The following EVA1C variants were observed in gnomAD, a reference collection of about 807,000 sequenced individuals.
EVA1C encodes the protein eva-1 homolog C.
In EVA1C, 25 loss-of-function variants were observed where a neutral mutation model predicts 45.4. That is an observed-to-expected ratio of 0.55 (90% CI 0.40 to 0.77). The LOEUF (loss-of-function observed/expected upper bound fraction) is 0.77. Among genes scored for constraint, EVA1C ranks in the 30% least tolerant of loss-of-function variants. EVA1C has a pLI of 0.00. For synonymous variants in EVA1C, 190 were observed against 221.2 expected (o/e 0.86, Z 1.25); for missense variants, 479 against 554.8 (o/e 0.86, Z 1.37).
rs371414193 is a variant in EVA1C at position 32,507,835 on chromosome 21, G to GT, written c.949+3821dup. On this transcript the variant is annotated intron_variant, in intron 7 of 7. Transcript: ENST00000300255. Reference sequence around the variant, plus strand: ...ATGTATGTATGTGTGTTGCATGTGTGTGCATGTGTCTGTATGCTTGTGCGT... The same window carrying GT: ...ATGTATGTATGTGTGTTGCATGTGTGTTGCATGTGTCTGTATGCTTGTGCGT... Among the ~76,000 whole-genome samples the GT allele has an allele frequency of 9.6e-4, 146 of 151,596 alleles. 2 individuals are homozygous for GT. The highest frequency in any genetic ancestry group is 3.4e-3 in the Middle Eastern group (1 of 292).
chr21:32,443,576 G>A (rs751377954), intron 1 of EVA1C, among the ~76,000 whole-genome samples: 23 of 151,948 alleles, frequency 1.5e-4, no homozygotes, highest in Non-Finnish European at 2.6e-4. Flanking sequence ...CAGTATAATT[G>A]TAATACCTTA....
intron 4 of EVA1C, among the ~76,000 whole-genome samples, chr21:32,494,764 A>C (rs923849257): frequency 1.4e-5 from 2 of 147,924 alleles, no homozygotes; most frequent in African/African-American, 5.1e-5. Context: ...CCTGGGCGAC[A>C]GAACAAGAAT....
intron 6 of EVA1C, 173 bp downstream of exon 6, chr21:32,501,668 G>C (rs1423974963): frequency 5.9e-6 from 4 of 673,510 alleles, no homozygotes; most frequent in Non-Finnish European, 6.8e-6. Context: ...TGCAAATGGT[G>C]AACACCATTT....
intron 7 of EVA1C, among the ~76,000 whole-genome samples, chr21:32,504,558 C>G (rs749739841): frequency 6.6e-6 from 1 of 152,150 alleles, no homozygotes; most frequent in Non-Finnish European, 1.5e-5. Context: ...GGCCACACCG[C>G]GGGGACCTCT....
chr21:32,434,540 G>A (rs1190406275), intron 1 of EVA1C, among the ~76,000 whole-genome samples: 2 of 150,862 alleles, frequency 1.3e-5, no homozygotes, highest in Non-Finnish European at 3.0e-5. Flanking sequence ...GCAGTGAGCC[G>A]AGATAGCGCC....
chr21:32,455,934 C>T (rs1477265119), intron 2 of EVA1C, among the ~76,000 whole-genome samples: 1 of 152,034 alleles, frequency 6.6e-6, no homozygotes, highest in African/African-American at 2.4e-5. Context: ...CTCTTGTTGC[C>T]CAGGCTGGAG....
rs578148806 is a variant in EVA1C, at chr21:32,472,656, A to G, written c.634+4808A>G. Among the ~76,000 whole-genome samples, 8 of 151,864 alleles carry G rather than the reference A, an allele frequency of 5.3e-5. No homozygotes were observed. In the South Asian group the frequency reaches 1.5e-3, roughly 28 times the overall value. On this transcript the variant is annotated intron_variant, in intron 4 of 7. Transcript: ENST00000300255. ...GTCTCTTAAAAGAAAAAAAAAAAGG[A>G]AAAGTAATTAAAGAAAGTGTTAGCA...
At chr21:32,502,024 CTTTCTTTCTTTCTT>C (rs1568949758) in intron 6 of EVA1C, among the ~76,000 whole-genome samples, 1 of 132,374 alleles carries the variant, frequency 7.6e-6, no homozygotes, top group African/African-American at 3.2e-5. Flanking sequence ...TTCTTTCTTT[CTTTCTTTCTTTCTT>C]TCTTTCTTTC....
intron 1 of EVA1C, among the ~76,000 whole-genome samples, chr21:32,420,013 C>T (rs1269436623): frequency 2.6e-5 from 4 of 152,130 alleles, no homozygotes; most frequent in African/African-American, 9.7e-5. Context: ...TCTGAGTTTC[C>T]CCTTGCCCCT....
At chr21:32,412,397 C>G (rs1196508216), upstream of EVA1C, 3 of 152,770 alleles carry the variant, frequency 2.0e-5, no homozygotes, top group Admixed American at 6.6e-5. Flanking sequence ...GGCTGGCACC[C>G]GGCCAGCGCG....
rs142733119 is a variant in EVA1C at position 32,512,146 on chromosome 21, A to AG, written c.950-2663dup. Among the ~76,000 whole-genome samples, 831 of 152,218 alleles carry AG rather than the reference A, an allele frequency of 5.5e-3. 34 individuals are homozygous for AG. The East Asian group carries it at 0.091, about 17-fold the overall frequency. On this transcript the variant is annotated intron_variant, in intron 7 of 7. Coordinates refer to ENST00000300255, the MANE Select transcript of EVA1C (RefSeq NM_058187.5). ...TGGAATTCAGGTGGTAGTCACCTTG[A>AG]GGGGGAGGCAAGGGGATGGGGAAGC...
chr21:32,479,587 T>C lies in EVA1C; in HGVS notation c.634+11739T>C, dbSNP rs566128844. Among the ~76,000 whole-genome samples the C allele has an allele frequency of 2.5e-4, 38 of 152,324 alleles. 2 individuals are homozygous for C. The East Asian group carries it at 4.8e-3, about 19-fold the overall frequency. ...TCAGACCTGAATCAGACCTGAGTTG[T>C]CTTGGGCCTCTTCCTGTGGGTTCTT... is the stretch of plus-strand genomic sequence containing the variant. On this transcript the variant is annotated intron_variant, in intron 4 of 7. Coordinates refer to ENST00000300255, the MANE Select transcript of EVA1C (RefSeq NM_058187.5).
chr21:32,461,363 C>T (rs1387838871), intron 3 of EVA1C, among the ~76,000 whole-genome samples: 2 of 152,166 alleles, frequency 1.3e-5, no homozygotes, highest in Non-Finnish European at 2.9e-5. Context: ...CTCTGGCTGC[C>T]CCATAGAGAG....
chr21:32,469,885 C>T (rs1192548481), intron 4 of EVA1C, among the ~76,000 whole-genome samples: 3 of 152,124 alleles, frequency 2.0e-5, no homozygotes, highest in African/African-American at 7.3e-5. Flanking sequence ...CTTTCAACAT[C>T]AGTCACATCT....
At position 32,501,451 on chromosome 21, in the gene EVA1C, T is replaced by C. The variant is rs779604529; in HGVS notation, c.815T>C (p.Ile272Thr). Reference sequence around the variant, plus strand: ...ATACTCACAGCGATTGATCCAGCCATTGCTAATCTAAAACCTTCTTTGAAG... The same window carrying C: ...ATACTCACAGCGATTGATCCAGCCACTGCTAATCTAAAACCTTCTTTGAAG... ...KNILTAIDPA[I>T]ANLKPSLKQK... Residue 272 changes from isoleucine to threonine, a missense_variant, in exon 6 of 8, where the codon ATT becomes ACT. Coordinates refer to ENST00000300255, the MANE Select transcript of EVA1C (RefSeq NM_058187.5). 2.8e-5 allele frequency: 44 copies of C among 1,595,026 alleles called. No individual in the cohort carries two copies. The highest frequency in any genetic ancestry group is 3.6e-5 in the Non-Finnish European group (43 of 1,178,742).
At chr21:32,461,171 G>A (rs572598669) in intron 3 of EVA1C, among the ~76,000 whole-genome samples, 3 of 152,246 alleles carry the variant, frequency 2.0e-5, no homozygotes, top group African/African-American at 2.4e-5. Context: ...CTGTGGCTGC[G>A]GGTTGCAGGT....
In EVA1C at chr21:32,514,918, C is replaced by T. The variant is rs140738179; in HGVS notation, c.1054C>T (p.Arg352Cys). The T allele has an allele frequency of 6.0e-4, 969 of 1,614,052 alleles. 10 individuals are homozygous for T. In the South Asian group the frequency reaches 7.7e-3, roughly 13 times the overall value. ...VIRESCAKDFRDLQLGREQLV... is the reference protein window; with the variant it reads ...VIRESCAKDFCDLQLGREQLV... ...CAGAGAGTCCTGTGCCAAGGACTTC[C>T]GCGACTTGCAGCTGGGGAGGGAGCA... Residue 352 changes from arginine (R) to cysteine (C), a missense_variant, in exon 8 of 8, where the codon CGC (arginine) becomes TGC (cysteine). By Grantham distance (180) the Arg-to-Cys change is radical. Around this residue, in one of 3 missense-constraint regions of EVA1C, gnomAD observed 366 missense variants for 426.1 expected, o/e 0.86. Transcript: ENST00000300255.
At chr21:32,489,936 G>C (rs1277289455) in intron 4 of EVA1C, among the ~76,000 whole-genome samples, 1 of 152,032 alleles carries the variant, frequency 6.6e-6, no homozygotes, top group Admixed American at 6.6e-5. Flanking sequence ...TGAGTAACTG[G>C]GATTACAGGC....
At chr21:32,418,384 T>A (rs1035877125) in intron 1 of EVA1C, among the ~76,000 whole-genome samples, 4 of 152,224 alleles carry the variant, frequency 2.6e-5, no homozygotes, top group Non-Finnish European at 5.9e-5. Context: ...TTCTGCCGGC[T>A]CTTTTTATGG....
Sources: gnomAD v4.1 joint callset for allele counts (sites outside exome capture counted in the v4.1 genomes callset) on GRCh38, gnomAD v4.1.1 for gene constraint, gnomAD v4.1.1 regional missense constraint, MANE v1.5 for transcripts, NCBI Gene and HGNC (gene_info 2026-07-23, HGNC 2026-07-21) for gene names.